The following VPS35L variants were observed in gnomAD, a reference collection of about 807,000 sequenced individuals.
VPS35L encodes VPS35 endosomal protein-sorting factor-like.
In VPS35L, 83 loss-of-function variants were observed where a neutral mutation model predicts 133.0. The ratio of observed to expected loss-of-function variants is 0.62; its 90% CI spans 0.52 to 0.75. The LOEUF is 0.75. Among genes scored for constraint, VPS35L ranks in the 30% least tolerant of loss-of-function variants. The pLI is 0.00. For synonymous variants in VPS35L, 423 were observed against 449.9 expected (o/e 0.94, Z 0.76); for missense variants, 1,083 against 1,206.8 (o/e 0.90, Z 1.52).
At chr16:19,578,980 G>C (rs542803999) in intron 5 of VPS35L, 72 bp from the exon 6 acceptor site, 21 of 1,229,100 alleles carry the variant, frequency 1.7e-5, no homozygotes, top group South Asian at 3.8e-5. Context: ...AGTGTAGAGT[G>C]AAAGATGCCT....
intron 1 of VPS35L, among the ~76,000 whole-genome samples, chr16:19,563,788 T>G (rs1404589293): frequency 6.6e-6 from 1 of 152,226 alleles, no homozygotes; most frequent in Non-Finnish European, 1.5e-5. Flanking sequence ...AAATCTGGGC[T>G]GGATTTCTGT....
At chr16:19,675,493 G>A (rs1276755907) in intron 27 of VPS35L, among the ~76,000 whole-genome samples, 3 of 152,114 alleles carry the variant, frequency 2.0e-5, no homozygotes, top group Non-Finnish European at 2.9e-5. Context: ...GTACCCAGAA[G>A]TAGCATTGCT....
At chr16:19,569,138 C>A in intron 2 of VPS35L, 1 of 590,894 alleles carries the variant, frequency 1.7e-6, no homozygotes, top group Non-Finnish European at 3.2e-6. Flanking sequence ...TTTTGGTTTG[C>A]TACATAGGGA....
At chr16:19,645,017 G>A (rs1973896374) in intron 23 of VPS35L, 68 bp downstream of exon 23, 1 of 1,129,096 alleles carries the variant, frequency 8.9e-7, no homozygotes, top group Non-Finnish European at 1.3e-6. Flanking sequence ...TTATGTTGGC[G>A]AAAGCAGTTA....
At chr16:19,634,057 C>T (rs1178571801) in intron 19 of VPS35L, among the ~76,000 whole-genome samples, 1 of 151,912 alleles carries the variant, frequency 6.6e-6, no homozygotes, top group African/African-American at 2.4e-5. Context: ...TATGCTTTAT[C>T]ATTCACGCAT....
chr16:19,627,644 A>C (rs1208330297), intron 15 of VPS35L, 50 bp from the exon 16 acceptor site: 1 of 1,394,782 alleles, frequency 7.2e-7, no homozygotes, highest in African/African-American at 1.4e-5. Flanking sequence ...AAATTAAAGC[A>C]ACTTTGATTG....
At chr16:19,664,967 A>G (rs761123370) in intron 26 of VPS35L, among the ~76,000 whole-genome samples, 1 of 151,954 alleles carries the variant, frequency 6.6e-6, no homozygotes, top group African/African-American at 2.4e-5. Context: ...AAGGAAGCCT[A>G]GTCCGTGTAC....
intron 3 of VPS35L, among the ~76,000 whole-genome samples, chr16:19,572,602 G>A (rs1198650529): frequency 1.3e-5 from 2 of 152,130 alleles, no homozygotes; most frequent in South Asian, 4.1e-4. Flanking sequence ...TGAAAAAGTG[G>A]TCTTTTCCAA....
At chr16:19,636,197 T>C (rs1471769610) in intron 19 of VPS35L, among the ~76,000 whole-genome samples, 1 of 151,908 alleles carries the variant, frequency 6.6e-6, no homozygotes, top group African/African-American at 2.4e-5. Context: ...CAAAAAATAA[T>C]AATAAAACAA....
intron 1 of VPS35L, 36 bp downstream of exon 1, chr16:19,555,782 G>A: frequency 6.4e-7 from 1 of 1,551,014 alleles, no homozygotes; most frequent in Non-Finnish European, 8.7e-7. Flanking sequence ...TTGGAGAGGG[G>A]CTGTCCTTAC....
chr16:19,627,404 CTCT>C (rs1431665845), intron 15 of VPS35L, among the ~76,000 whole-genome samples: 53 of 152,184 alleles, frequency 3.5e-4, no homozygotes, highest in Non-Finnish European at 6.8e-4. Context: ...TGAATGCTCG[CTCT>C]TCTTCTCCTT....
intron 27 of VPS35L, among the ~76,000 whole-genome samples, chr16:19,676,113 A>C (rs1429044003): frequency 3.9e-5 from 6 of 152,104 alleles, no homozygotes; most frequent in Non-Finnish European, 7.4e-5. Context: ...TCAGCTGTGC[A>C]TGGTGGCATG....
intron 28 of VPS35L, among the ~76,000 whole-genome samples, chr16:19,690,057 C>T (rs1191351775): frequency 6.6e-6 from 1 of 152,070 alleles, no homozygotes; most frequent in African/African-American, 2.4e-5. Flanking sequence ...GGACTACAGG[C>T]GTGAGCTACC....
intron 26 of VPS35L, among the ~76,000 whole-genome samples, 184 bp from the exon 27 acceptor site, chr16:19,668,976 G>T (rs1202425760): frequency 6.6e-6 from 1 of 152,198 alleles, no homozygotes; most frequent in Non-Finnish European, 1.5e-5. Flanking sequence ...CTGAAGCAGT[G>T]CCCTGTCAAG....
chr16:19,599,100 A>G (rs1267558615), intron 8 of VPS35L, among the ~76,000 whole-genome samples: 3 of 152,206 alleles, frequency 2.0e-5, no homozygotes, highest in Non-Finnish European at 2.9e-5. Context: ...CCAGGAGGAA[A>G]AAGGCAGGTG....
At chr16:19,555,868 A>C (rs950677014) in intron 1 of VPS35L, 122 bp downstream of exon 1, 3 of 1,377,438 alleles carry the variant, frequency 2.2e-6, no homozygotes, top group African/African-American at 1.5e-5. Flanking sequence ...GGCCACCCCC[A>C]AGTTGTCTTG....
chr16:19,597,302 T>A (rs1213108187), intron 8 of VPS35L, among the ~76,000 whole-genome samples: 1 of 151,254 alleles, frequency 6.6e-6, no homozygotes, highest in African/African-American at 2.4e-5. Flanking sequence ...GCCCAAGAAG[T>A]TTGAGACTGC....
chr16:19,569,103 A>G, intron 2 of VPS35L: 1 of 477,774 alleles, frequency 2.1e-6, no homozygotes, highest in South Asian at 1.8e-5. Context: ...CTTAAGTTCC[A>G]TTTTGCTACT....
chr16:19,684,315 C>T (rs1216192309), intron 28 of VPS35L, among the ~76,000 whole-genome samples: 1 of 152,144 alleles, frequency 6.6e-6, no homozygotes, highest in Non-Finnish European at 1.5e-5. Flanking sequence ...AAAAATTGGT[C>T]TTAATGTCAA....
Sources: gnomAD v4.1 joint callset for allele counts (sites outside exome capture counted in the v4.1 genomes callset) on GRCh38, gnomAD v4.1.1 for gene constraint, MANE v1.5 for transcripts, NCBI Gene and HGNC (gene_info 2026-07-23, HGNC 2026-07-21) for gene names.